Variants in BBS5 observed in about 807,000 individuals in gnomAD.
BBS5 encodes the protein BBSome complex member BBS5.
A neutral mutation model predicts 50.2 loss-of-function variants in BBS5; 39 were observed. The observed-to-expected ratio is 0.78, with a 90% CI of 0.60 to 1.01. The LOEUF (loss-of-function observed/expected upper bound fraction) is 1.01, where lower values mean the gene tolerates loss of function less well. Among genes scored for constraint, BBS5 ranks in the 50% least tolerant of loss-of-function variants. The probability of loss-of-function intolerance (pLI) is 0.00; values close to 1 mark genes in which losing one functional copy is unlikely to be tolerated. For synonymous variants in BBS5, 134 were observed against 133.1 expected (o/e 1.01, Z -0.05); for missense variants, 356 against 401.5 (o/e 0.89, Z 0.97).
Position 169,497,666 on chromosome 2 carries a change from C to T in BBS5, c.658C>T (p.Leu220Phe), listed in dbSNP as rs745313011. 8 of 1,598,996 alleles carry T rather than the reference C, an allele frequency of 5.0e-6. No individual in the cohort carries two copies. Among genetic ancestry groups the T allele is most frequent in the Non-Finnish European group, 6.9e-6 (8 of 1,166,804 alleles). Residue 220 changes from leucine (L) to phenylalanine (F), a missense_variant, in exon 8 of 12, where the codon CTT (leucine) becomes TTT (phenylalanine). By Grantham distance (22) the Leu-to-Phe change is conservative. Transcript: ENST00000295240. Reference protein sequence around the residue: ...KIRDSKFGLALVIESSQQSGG... With the variant: ...KIRDSKFGLAFVIESSQQSGG... ...TAGAGATTCAAAATTTGGTTTAGCT[C>T]TTGTCATAGAAAGCTCTCAGCAGGT...
At chr2:169,501,900 C>A (rs1460738876) in intron 9 of BBS5, among the ~76,000 whole-genome samples, 1 of 152,068 alleles carries the variant, frequency 6.6e-6, no homozygotes, top group African/African-American at 2.4e-5. Flanking sequence ...GTTCTTTGAC[C>A]CCAGTATATA....
chr2:169,504,829 T>G lies in BBS5; in HGVS notation c.*247T>G, dbSNP rs545506189. The stretch of plus-strand genomic sequence containing the variant: ...CCGCGGCGCTGGCTTAAGCCATGGC[T>G]GAGGGTAGCTGGATTCCTCAGGCCC... On this transcript the variant is annotated 3_prime_UTR_variant, in exon 12 of 12. Coordinates refer to ENST00000295240, the MANE Select transcript of BBS5 (RefSeq NM_152384.3). 1.1e-5 allele frequency: 18 copies of G among 1,601,460 alleles called. No homozygotes were observed. In the East Asian group the frequency reaches 3.8e-4, roughly 34 times the overall value.
intron 4 of BBS5, 29 bp from the exon 5 acceptor site, chr2:169,487,958 T>A (rs1293984108): frequency 6.2e-7 from 1 of 1,612,560 alleles, no homozygotes; most frequent in Admixed American, 1.7e-5. Flanking sequence ...TCTTAAAATC[T>A]GAACTTTTAA....
At chr2:169,480,047 C>T (rs527336149) in intron 1 of BBS5, among the ~76,000 whole-genome samples, 107 of 152,308 alleles carry the variant, frequency 7.0e-4, no homozygotes, top group Middle Eastern at 6.8e-3. Context: ...AGTGTGGGCC[C>T]TTGAGCAGAT....
Position 169,504,988 on chromosome 2 carries a change from A to C in BBS5, c.*406A>C, listed in dbSNP as rs1410030459. On this transcript the variant is annotated 3_prime_UTR_variant, in exon 12 of 12. Transcript: ENST00000295240. ...GCTTTTTCAAGGGAGCTGATAAAGAACTTCTTCCCAAAATGGCCGAAGCTG... is the reference window on the plus strand; with the variant it reads ...GCTTTTTCAAGGGAGCTGATAAAGACCTTCTTCCCAAAATGGCCGAAGCTG... 3 of 1,612,152 alleles carry C rather than the reference A, an allele frequency of 1.9e-6. No individual in the cohort carries two copies. Among genetic ancestry groups the C allele is most frequent in the Non-Finnish European group, 2.5e-6 (3 of 1,179,762 alleles).
At chr2:169,502,527 A>C (rs1342040069) in intron 9 of BBS5, among the ~76,000 whole-genome samples, 11 of 152,134 alleles carry the variant, frequency 7.2e-5, no homozygotes, top group Admixed American at 7.2e-4. Flanking sequence ...TGTGTCTTAT[A>C]TTTTCCTCTA....
chr2:169,489,462 CA>C (rs939892818), intron 5 of BBS5, among the ~76,000 whole-genome samples: 7,185 of 142,372 alleles, frequency 0.05, 225 homozygotes, highest in East Asian at 0.11. Context: ...GACTCTGTCT[CA>C]AAAAAAAAAA....
At chr2:169,484,647 C>A (rs923787158) in intron 2 of BBS5, among the ~76,000 whole-genome samples, 1 of 152,086 alleles carries the variant, frequency 6.6e-6, no homozygotes, top group African/African-American at 2.4e-5. Flanking sequence ...CTGTTAGTAC[C>A]CTGACTTGAA....
chr2:169,493,625 T>C (rs1683641463), intron 6 of BBS5, 116 bp from the exon 7 acceptor site: 3 of 757,140 alleles, frequency 4.0e-6, no homozygotes, highest in South Asian at 1.5e-5. Context: ...GATGAAGTCA[T>C]TGATACTCAA....
intron 1 of BBS5, 38 bp from the exon 2 acceptor site, chr2:169,482,213 T>C: frequency 7.9e-7 from 1 of 1,272,440 alleles, no homozygotes; most frequent in Non-Finnish European, 1.2e-6. Context: ...GCAGGTATAG[T>C]TGTAGCTATA....
chr2:169,489,488 T>A (rs906385410), intron 5 of BBS5, among the ~76,000 whole-genome samples: 2 of 151,420 alleles, frequency 1.3e-5, no homozygotes, highest in African/African-American at 4.8e-5. Flanking sequence ...TTTTTTTTTT[T>A]AGAGACGGGG....
At chr2:169,496,518 A>G (rs112007847) in intron 7 of BBS5, among the ~76,000 whole-genome samples, 4,456 of 151,914 alleles carry the variant, frequency 0.029, 229 homozygotes, top group African/African-American at 0.1. Flanking sequence ...GGTGGATCAC[A>G]AGGTCAGGAG....
chr2:169,503,713 C>CTTTCCTA (rs1683849571), intron 10 of BBS5, among the ~76,000 whole-genome samples: 1 of 152,120 alleles, frequency 6.6e-6, no homozygotes, highest in Non-Finnish European at 1.5e-5. Context: ...TGAACAATAG[C>CTTTCCTA]TTTCCTATTT....
chr2:169,479,600 A>T lies in BBS5; in HGVS notation c.47A>T (p.Asp16Val), dbSNP rs1395166744. 1.9e-6 allele frequency: 3 copies of T among 1,613,956 alleles called. No homozygotes were observed. Among genetic ancestry groups the T allele is most frequent in the Admixed American group, 1.7e-5 (1 of 60,008 alleles). The change falls in exon 1 of 12, where the codon GAC becomes GTC. Residue 16 changes from aspartate (D) to valine (V), a missense_variant. Coordinates refer to ENST00000295240, the MANE Select transcript of BBS5 (RefSeq NM_152384.3). ...TGGGAGGATCGGGATGTCCGTTTCG[A>T]CCTGTCCGCGCAGTGAGTTTCCAAG... The part of the protein sequence containing the change: ...ALWEDRDVRF[D>V]LSAQQMKTRP...
rs189448631 is a variant in BBS5, at chr2:169,505,372, G to A, written c.*790G>A. 14,582 of 349,050 alleles carry A rather than the reference G, an allele frequency of 0.042. 420 individuals are homozygous for A. Among genetic ancestry groups the A allele is most frequent in the East Asian group, 0.11 (1,277 of 11,846 alleles). 21.6% of individuals were successfully genotyped at this position (349,050 alleles called of 1,614,324 possible). A position where few individuals can be genotyped will look rare whatever the true frequency, so the allele number is the denominator to read the frequency against. On this transcript the variant is annotated 3_prime_UTR_variant, in exon 12 of 12. Transcript: ENST00000295240. The stretch of plus-strand genomic sequence containing the variant: ...CCAAGAGTGCAGCCTCTGCCCGGCC[G>A]CCACCCCGTCTGGGAAGTGAGGAGC...
At chr2:169,499,385 A>G (rs1415523893) in intron 8 of BBS5, 101 bp from the exon 9 acceptor site, 1 of 1,229,304 alleles carries the variant, frequency 8.1e-7, no homozygotes, top group Admixed American at 2.3e-5. Context: ...CTTACGTATT[A>G]TGCTCTAAAA....
chr2:169,504,408 C>T, intron 11 of BBS5, 73 bp from the exon 12 acceptor site: 1 of 1,587,514 alleles, frequency 6.3e-7, no homozygotes, highest in Admixed American at 1.7e-5. Context: ...TATGTGAAAC[C>T]TATTTTTTTG....
At chr2:169,497,911 C>T (rs558548027) in intron 8 of BBS5, among the ~76,000 whole-genome samples, 62 of 152,308 alleles carry the variant, frequency 4.1e-4, no homozygotes, top group African/African-American at 1.4e-3. Flanking sequence ...GTGATCATCA[C>T]TTATTATTAA....
At chr2:169,486,695 T>C (rs1218740833) in intron 2 of BBS5, among the ~76,000 whole-genome samples, 2 of 152,188 alleles carry the variant, frequency 1.3e-5, no homozygotes, top group Non-Finnish European at 1.5e-5. Context: ...GTGATTTCAG[T>C]GAATAGCTGT....
Sources: allele counts gnomAD v4.1 joint callset (sites outside exome capture counted in the v4.1 genomes callset), GRCh38; gene constraint gnomAD v4.1.1; transcripts MANE v1.5; gene names NCBI Gene and HGNC (gene_info 2026-07-23, HGNC 2026-07-21).